The following CLRN3 variants were observed in gnomAD, a reference collection of about 807,000 sequenced individuals.
CLRN3 encodes clarin 3.
A neutral mutation model predicts 16.7 loss-of-function variants in CLRN3; 12 were observed. The observed-to-expected ratio is 0.72, with a 90% CI of 0.46 to 1.16. The LOEUF (loss-of-function observed/expected upper bound fraction) is 1.16, where lower values mean the gene tolerates loss of function less well. CLRN3 is among the 50% of genes most tolerant of loss of function. CLRN3 has a pLI of 0.00. For synonymous variants in CLRN3, 118 were observed against 113.0 expected (o/e 1.04, Z -0.28); for missense variants, 296 against 274.2 (o/e 1.08, Z -0.56).
intron 2 of CLRN3, among the ~76,000 whole-genome samples, chr10:127,879,342 C>T (rs1317739646): frequency 6.6e-6 from 1 of 152,150 alleles, no homozygotes; most frequent in African/African-American, 2.4e-5. Context: ...CTCAAGTGAT[C>T]CACCTGCCTC....
Position 127,877,842 on chromosome 10 carries a change from A to C in CLRN3, c.*307T>G, listed in dbSNP as rs1048257895. The C allele has an allele frequency of 5.3e-5, 17 of 319,600 alleles. No homozygotes were observed. The highest frequency in any genetic ancestry group is 3.6e-4 in the Admixed American group (8 of 22,140). 19.8% of individuals were successfully genotyped at this position (319,600 alleles called of 1,614,324 possible). ...CTGAAGTGCTTTGAGATACTCAAAG[A>C]AAAGAAACATGACACAGCCTTTTAT... On this transcript the variant is annotated 3_prime_UTR_variant, in exon 3 of 3. Coordinates refer to ENST00000368671, the MANE Select transcript of CLRN3 (RefSeq NM_152311.5).
At chr10:127,888,061 A>T (rs1845217803) in intron 1 of CLRN3, among the ~76,000 whole-genome samples, 1 of 152,194 alleles carries the variant, frequency 6.6e-6, no homozygotes, top group Admixed American at 6.5e-5. Flanking sequence ...CCCACTTGCC[A>T]TCTGCCTTTT....
chr10:127,887,038 G>T (rs1845203245), intron 1 of CLRN3, among the ~76,000 whole-genome samples: 1 of 152,212 alleles, frequency 6.6e-6, no homozygotes, highest in African/African-American at 2.4e-5. Context: ...CTGACCTCAG[G>T]TGAAATTTCT....
At chr10:127,889,522 G>A (rs1423606442) in intron 1 of CLRN3, among the ~76,000 whole-genome samples, 3 of 152,010 alleles carry the variant, frequency 2.0e-5, no homozygotes, top group East Asian at 1.9e-4. Flanking sequence ...TACTAGGGAG[G>A]CTGAGGCACG....
Position 127,892,819 on chromosome 10 carries a change from A to G in CLRN3, c.-35T>C, listed in dbSNP as rs1564781252. 1 of 1,252,918 alleles carries G rather than the reference A, an allele frequency of 8.0e-7. No individual in the cohort carries two copies. The allele number at this position is 1,252,918 out of a possible 1,614,324, so 77.6% of individuals were successfully genotyped here. ...AAAATAAGTTCTCTAGGACAAAAAA[A>G]GGAATATCTTCTTATAACACTTTTG... On this transcript the variant is annotated 5_prime_UTR_variant, in exon 1 of 3. Transcript: ENST00000368671.
intron 2 of CLRN3, among the ~76,000 whole-genome samples, chr10:127,882,557 AG>A (rs2135079060): frequency 6.6e-6 from 1 of 152,148 alleles, no homozygotes; most frequent in East Asian, 1.9e-4. Flanking sequence ...CCTACTGGAG[AG>A]CCAGTTGTTC....
In CLRN3 at chr10:127,883,871, T is replaced by C. The variant is rs1382671425; in HGVS notation, c.234A>G (p.Leu78=). The C allele has an allele frequency of 1.9e-6, 3 of 1,613,960 alleles. No homozygotes were observed. Among genetic ancestry groups the C allele is most frequent in the African/African-American group, 1.3e-5 (1 of 74,928 alleles). Residue 78 remains leucine (L), a synonymous_variant, in exon 2 of 3, where the codon TTA becomes TTG. Coordinates refer to ENST00000368671, the MANE Select transcript of CLRN3 (RefSeq NM_152311.5). ...TTTGGGAAGAATTATTCAGTATCTCTAAAACTAAAACAATGTTTTGTGAGT... is the reference window on the plus strand; with the variant it reads ...TTTGGGAAGAATTATTCAGTATCTCCAAAACTAAAACAATGTTTTGTGAGT... ...LAEPKKKFAV[L]EILNNSSQKT... is the part of the protein sequence containing the mutation.
chr10:127,890,006 C>A (rs1038221476), intron 1 of CLRN3, among the ~76,000 whole-genome samples: 2 of 152,230 alleles, frequency 1.3e-5, no homozygotes, highest in African/African-American at 4.8e-5. Flanking sequence ...CCCCCAACCC[C>A]CTTGCTTGCA....
intron 1 of CLRN3, among the ~76,000 whole-genome samples, chr10:127,889,531 C>T (rs1021481321): frequency 1.3e-5 from 2 of 151,236 alleles, no homozygotes; most frequent in South Asian, 4.2e-4. Context: ...GGCTGAGGCA[C>T]GAGAATTGCT....
Position 127,882,454 on chromosome 10 carries a change from C to T in CLRN3, c.409+1242G>A, listed in dbSNP as rs1018891633. ...GGCCAGTTTGTACATCTCAACTCCA[C>T]GTCAGTGATCTCACATTGGGAGTTT... On this transcript the variant is annotated intron_variant, in intron 2 of 2. Coordinates refer to ENST00000368671, the MANE Select transcript of CLRN3 (RefSeq NM_152311.5). Among the ~76,000 whole-genome samples the T allele has an allele frequency of 3.9e-5, 6 of 152,244 alleles. No homozygotes were observed. The South Asian group carries it at 8.3e-4, about 21-fold the overall frequency.
chr10:127,883,937 C>T (rs759483261), intron 1 of CLRN3, 62 bp from the exon 2 acceptor site: 13 of 1,451,800 alleles, frequency 9.0e-6, no homozygotes, highest in Non-Finnish European at 1.2e-5. Flanking sequence ...GCCTGGCATT[C>T]CTCCCCACCC....
At chr10:127,883,902 G>T in intron 1 of CLRN3, 27 bp from the exon 2 acceptor site, 1 of 1,602,446 alleles carries the variant, frequency 6.2e-7, no homozygotes, top group Non-Finnish European at 8.6e-7. Flanking sequence ...TGAGTGCATA[G>T]CACATAATGC....
rs867860712 is a variant in CLRN3, at chr10:127,883,289, T to C, written c.409+407A>G. On this transcript the variant is annotated intron_variant, in intron 2 of 2. Transcript: ENST00000368671. ...GTGTTCATGTGTGTGTGTGTGTGTG[T>C]GCACATGTGTGTGTGCATGCGTGTG... Among the ~76,000 whole-genome samples the C allele has an allele frequency of 9.8e-3, 1,411 of 143,744 alleles. 13 individuals are homozygous for C. Among genetic ancestry groups the C allele is most frequent in the African/African-American group, 0.032 (1,255 of 39,164 alleles). 94.3% of individuals were successfully genotyped at this position (143,744 alleles called of 152,430 possible).
intron 2 of CLRN3, among the ~76,000 whole-genome samples, chr10:127,881,540 G>A (rs1436207902): frequency 6.6e-6 from 1 of 152,164 alleles, no homozygotes; most frequent in Non-Finnish European, 1.5e-5. Flanking sequence ...CTCCAGGAAT[G>A]CAGGCTTCCT....
At chr10:127,880,222 A>G (rs1845111566) in intron 2 of CLRN3, among the ~76,000 whole-genome samples, 1 of 152,138 alleles carries the variant, frequency 6.6e-6, no homozygotes, top group Admixed American at 6.5e-5. Flanking sequence ...GCTTAATCAT[A>G]AAGGGGCAGG....
At chr10:127,887,241 C>T (rs1166284706) in intron 1 of CLRN3, among the ~76,000 whole-genome samples, 2 of 152,184 alleles carry the variant, frequency 1.3e-5, no homozygotes, top group Admixed American at 6.5e-5. Context: ...AAGAGGGAAT[C>T]GCTTCCCATT....
chr10:127,878,545 C>T (rs1439793258), intron 2 of CLRN3, 125 bp from the exon 3 acceptor site: 1 of 1,350,664 alleles, frequency 7.4e-7, no homozygotes. Context: ...CTCTTTTAAG[C>T]ACTAGGGAGA....
At chr10:127,880,195 T>C (rs896615027) in intron 2 of CLRN3, among the ~76,000 whole-genome samples, 1 of 152,228 alleles carries the variant, frequency 6.6e-6, no homozygotes, top group African/African-American at 2.4e-5. Context: ...TTTCCTCTTG[T>C]GAAGTTTCTT....
Position 127,890,705 on chromosome 10 carries a change from G to T in CLRN3, c.229+1851C>A, listed in dbSNP as rs529688899. On this transcript the variant is annotated intron_variant, in intron 1 of 2. Coordinates refer to ENST00000368671, the MANE Select transcript of CLRN3 (RefSeq NM_152311.5). ...TGAAAAAAGCCCCAAGTGACCACGA[G>T]AAACCACAGGAGAGCACCCACGTCT... Among the ~76,000 whole-genome samples the T allele has an allele frequency of 4.6e-5, 7 of 152,278 alleles. 1 individual carries two copies. The South Asian group carries it at 1.5e-3, about 32-fold the overall frequency.
Sources: allele counts gnomAD v4.1 joint callset (sites outside exome capture counted in the v4.1 genomes callset), GRCh38; gene constraint gnomAD v4.1.1; transcripts MANE v1.5; gene names NCBI Gene and HGNC (gene_info 2026-07-23, HGNC 2026-07-21).